Variants in SCOC observed in about 807,000 individuals in gnomAD.
The protein encoded by SCOC is short coiled coil protein.
SCOC carries 7 observed loss-of-function variants against 9.9 expected under a neutral mutation model. The ratio of observed to expected loss-of-function variants is 0.71; its 90% CI spans 0.40 to 1.33. The LOEUF is 1.33. SCOC is among the 40% of genes most tolerant of loss of function. The probability of loss-of-function intolerance (pLI) is 0.01; values close to 1 mark genes in which losing one functional copy is unlikely to be tolerated. For synonymous variants in SCOC, 19 were observed against 28.2 expected, an observed-to-expected ratio of 0.67 and a Z score of 1.03; for missense variants, 66 against 89.7, an observed-to-expected ratio of 0.74 and a Z score of 1.07.
At chr4:140,260,497 A>G (rs969473259) in intron 1 of SCOC, among the ~76,000 whole-genome samples, 7 of 152,214 alleles carry the variant, frequency 4.6e-5, no homozygotes, top group African/African-American at 1.4e-4. Context: ...ATCAGAGACT[A>G]AAAGATCTAT....
At chr4:140,326,282 A>G (rs772461216) in intron 1 of SCOC, among the ~76,000 whole-genome samples, 3 of 152,114 alleles carry the variant, frequency 2.0e-5, no homozygotes, top group Non-Finnish European at 2.9e-5. Context: ...GGCTCTATGC[A>G]TTTTCAAACC....
intron 1 of SCOC, among the ~76,000 whole-genome samples, chr4:140,306,334 G>A (rs1731984849): frequency 6.6e-6 from 1 of 152,154 alleles, no homozygotes; most frequent in Admixed American, 6.5e-5. Context: ...CCCACGACAA[G>A]TGGGAATTAG....
At chr4:140,356,755 G>T (rs1170396432) in intron 2 of SCOC, among the ~76,000 whole-genome samples, 1 of 152,072 alleles carries the variant, frequency 6.6e-6, no homozygotes, top group African/African-American at 2.4e-5. Flanking sequence ...TACGGGTGGT[G>T]TCTGACTCAT....
At chr4:140,379,463 A>G (rs1728478952) in intron 2 of SCOC, 106 bp from the exon 3 acceptor site, 2 of 828,994 alleles carry the variant, frequency 2.4e-6, no homozygotes, top group East Asian at 5.1e-5. Flanking sequence ...GCTCTTGTAT[A>G]AGTCAAGTAA....
chr4:140,267,834 C>T (rs2126397056), intron 1 of SCOC, among the ~76,000 whole-genome samples: 1 of 152,272 alleles, frequency 6.6e-6, no homozygotes, highest in Admixed American at 6.5e-5. Context: ...TGTAATTGAT[C>T]CCTGCCTCAA....
chr4:140,299,672 C>A (rs191222152), intron 1 of SCOC, among the ~76,000 whole-genome samples: 1 of 152,220 alleles, frequency 6.6e-6, no homozygotes, highest in African/African-American at 2.4e-5. Context: ...AGAATTGTAA[C>A]GTCGTTTGTC....
At chr4:140,325,453 T>C (rs1732617555) in intron 1 of SCOC, among the ~76,000 whole-genome samples, 1 of 152,128 alleles carries the variant, frequency 6.6e-6, no homozygotes, top group South Asian at 2.1e-4. Context: ...AGTGTATATA[T>C]AATATGTCTC....
intron 1 of SCOC, 86 bp from the exon 2 acceptor site, chr4:140,379,035 T>A (rs1362796713): frequency 2.4e-6 from 2 of 822,682 alleles, no homozygotes; most frequent in Admixed American, 1.8e-5. Flanking sequence ...TACTATGTCA[T>A]AGTTAACAAA....
At chr4:140,265,080 C>G (rs1408676238) in intron 1 of SCOC, among the ~76,000 whole-genome samples, 1 of 152,016 alleles carries the variant, frequency 6.6e-6, no homozygotes, top group Non-Finnish European at 1.5e-5. Context: ...TCTTTTATAT[C>G]AGTTAGGGCA....
At chr4:140,371,170 C>A (rs1728040078), upstream of SCOC, among the ~76,000 whole-genome samples, 1 of 152,070 alleles carries the variant, frequency 6.6e-6, no homozygotes, top group Non-Finnish European at 1.5e-5. Context: ...CAGCCGTGAG[C>A]CACCGCGCCT....
intron 1 of SCOC, among the ~76,000 whole-genome samples, chr4:140,267,935 A>G (rs1730766485): frequency 6.6e-6 from 1 of 152,168 alleles, no homozygotes; most frequent in Non-Finnish European, 1.5e-5. Flanking sequence ...TCTGATTCCT[A>G]GAAGAGAGCT....
At chr4:140,355,304 A>G (rs1406396640) in intron 2 of SCOC, among the ~76,000 whole-genome samples, 3 of 150,072 alleles carry the variant, frequency 2.0e-5, no homozygotes, top group African/African-American at 7.3e-5. Context: ...ACAGTCTCTT[A>G]GGTGCATAAT....
chr4:140,314,956 A>G (rs2126473032), intron 1 of SCOC, among the ~76,000 whole-genome samples: 1 of 152,236 alleles, frequency 6.6e-6, no homozygotes, highest in East Asian at 1.9e-4. Context: ...ATAACCCCCA[A>G]CCACCAAATT....
intron 1 of SCOC, among the ~76,000 whole-genome samples, chr4:140,325,418 A>T (rs569998083): frequency 9.9e-5 from 15 of 152,270 alleles, no homozygotes; most frequent in Non-Finnish European, 1.8e-4. Flanking sequence ...TGCAAATCAC[A>T]TATCTGACAA....
intron 1 of SCOC, among the ~76,000 whole-genome samples, chr4:140,333,234 T>C (rs1287239581): frequency 1.3e-5 from 2 of 152,144 alleles, no homozygotes; most frequent in East Asian, 3.9e-4. Context: ...TGACACCGTA[T>C]ATAAAATAAC....
At chr4:140,369,351 C>T (rs547356364), upstream of SCOC, 42 of 381,128 alleles carry the variant, frequency 1.1e-4, no homozygotes, top group East Asian at 2.8e-3. Context: ...ATTCAATAAC[C>T]TTTCAAGTGA....
intron 1 of SCOC, among the ~76,000 whole-genome samples, chr4:140,260,272 T>C (rs1730602753): frequency 6.6e-6 from 1 of 152,174 alleles, no homozygotes; most frequent in Admixed American, 6.5e-5. Context: ...TTCAATAATA[T>C]TGGACTTAAT....
intron 2 of SCOC, among the ~76,000 whole-genome samples, chr4:140,347,490 C>T (rs888656033): frequency 6.6e-6 from 1 of 152,172 alleles, no homozygotes; most frequent in South Asian, 2.1e-4. Context: ...GCTCAGGTTC[C>T]TCTTCAGCCT....
At position 140,381,783 on chromosome 4, in the gene SCOC, T is replaced by G. The variant is rs1728581155; in HGVS notation, c.*679T>G. 6.6e-6 allele frequency: 1 copy of G among 152,234 alleles called. No homozygotes were observed. The highest frequency in any genetic ancestry group is 2.4e-5 in the African/African-American group (1 of 41,462). 9.4% of individuals were successfully genotyped at this position (152,234 alleles called of 1,614,324 possible). On this transcript the variant is annotated 3_prime_UTR_variant, in exon 4 of 4. Coordinates refer to ENST00000608372, the MANE Select transcript of SCOC (RefSeq NM_001153484.2). ...GAAACTGAATTAACTTGGGAATATT[T>G]GTTGTTAAAAACTTCTTTTTGCCCA...
Sources: gnomAD v4.1 joint callset for allele counts (sites outside exome capture counted in the v4.1 genomes callset) on GRCh38, gnomAD v4.1.1 for gene constraint, MANE v1.5 for transcripts, NCBI Gene and HGNC (gene_info 2026-07-23, HGNC 2026-07-21) for gene names.